OPCML: variants seen among roughly 807,000 people sequenced by gnomAD.
OPCML encodes opioid-binding protein/cell adhesion molecule.
A neutral mutation model predicts 37.8 loss-of-function variants in OPCML; 13 were observed. The observed-to-expected ratio is 0.34, with a 90% CI of 0.22 to 0.55. OPCML has a LOEUF of 0.55. Ranked by LOEUF, OPCML falls within the 20% of genes least tolerant of loss-of-function variation. The probability of loss-of-function intolerance (pLI) is 0.91; values close to 1 mark genes in which losing one functional copy is unlikely to be tolerated. For synonymous variants in OPCML, 176 were observed against 168.8 expected (o/e 1.04, Z -0.33); for missense variants, 341 against 435.6 (o/e 0.78, Z 1.93).
intron 1 of OPCML, among the ~76,000 whole-genome samples, chr11:133,118,866 A>C (rs1949378785): frequency 6.6e-6 from 1 of 152,154 alleles, no homozygotes; most frequent in African/African-American, 2.4e-5. Flanking sequence ...CCACACATGG[A>C]CGTGATCCAG....
At chr11:133,477,796 C>T (rs1324255759) in intron 1 of OPCML, among the ~76,000 whole-genome samples, 1 of 152,130 alleles carries the variant, frequency 6.6e-6, no homozygotes, top group African/African-American at 2.4e-5. Context: ...GAAGAATAAC[C>T]AAACTATGTA....
At chr11:132,637,714 A>G in intron 3 of OPCML, among the ~76,000 whole-genome samples, 1 of 149,930 alleles carries the variant, frequency 6.7e-6, no homozygotes, top group South Asian at 2.1e-4. Context: ...GCATTAATTA[A>G]GTGACTAATA....
At position 133,312,412 on chromosome 11, in the gene OPCML, C is replaced by G. The variant is rs78594091; in HGVS notation, c.61+219852G>C. ...TGCTCCTCTCCTTCGTTTCACCCAG[C>G]CTGTGTGTACTCAGCATCTGTACCT... On this transcript the variant is annotated intron_variant, in intron 1 of 7. Transcript: ENST00000524381. Among the ~76,000 whole-genome samples, 53 of 152,290 alleles carry G rather than the reference C, an allele frequency of 3.5e-4. 3 individuals carry two copies. In the East Asian group the frequency reaches 9.1e-3, roughly 26 times the overall value.
intron 1 of OPCML, among the ~76,000 whole-genome samples, chr11:133,077,123 CAGA>C (rs1456126703): frequency 2.6e-5 from 4 of 152,068 alleles, no homozygotes; most frequent in Admixed American, 2.6e-4. Flanking sequence ...CTAGGGAAAT[CAGA>C]TGAGGTGGAC....
chr11:133,003,306 C>G (rs528064631), intron 1 of OPCML, among the ~76,000 whole-genome samples: 1 of 152,178 alleles, frequency 6.6e-6, no homozygotes, highest in Non-Finnish European at 1.5e-5. Flanking sequence ...TCCTAAGGCT[C>G]CAGGGAAGCC....
At chr11:133,532,130 C>A (rs1948619427) in intron 1 of OPCML, 134 bp downstream of exon 1, 2 of 1,422,572 alleles carry the variant, frequency 1.4e-6, no homozygotes, top group Non-Finnish European at 1.9e-6. Context: ...AAGCCTACCT[C>A]TTTCACTCAC....
chr11:133,089,116 C>T (rs1948864936), intron 1 of OPCML, among the ~76,000 whole-genome samples: 1 of 152,058 alleles, frequency 6.6e-6, no homozygotes, highest in African/African-American at 2.4e-5. Context: ...GGGCAAGTGC[C>T]AAAAAGGAGC....
intron 1 of OPCML, among the ~76,000 whole-genome samples, chr11:133,151,654 C>T (rs748085845): frequency 1.3e-5 from 2 of 152,080 alleles, no homozygotes; most frequent in African/African-American, 2.4e-5. Flanking sequence ...TGCTGGCAGC[C>T]CAAGCCCTGA....
intron 1 of OPCML, among the ~76,000 whole-genome samples, chr11:133,176,606 T>C (rs1937603939): frequency 6.6e-6 from 1 of 152,028 alleles, no homozygotes. Context: ...GACCTGGTTG[T>C]TTAAAGGTGT....
intron 3 of OPCML, among the ~76,000 whole-genome samples, chr11:132,530,002 T>C (rs1471064297): frequency 6.6e-6 from 1 of 152,208 alleles, no homozygotes; most frequent in Non-Finnish European, 1.5e-5. Context: ...GACCTGCCTT[T>C]GTCCCTTTGA....
rs541785939 is a variant in OPCML at position 132,829,879 on chromosome 11, A to G, written c.146+113047T>C. ...TCATTTGGGGTCCACATCTCTCTAT[A>G]CTTGTTATTAACTGTGTATTAATAA... On this transcript the variant is annotated intron_variant, in intron 2 of 7. Coordinates refer to ENST00000524381, the MANE Select transcript of OPCML (RefSeq NM_001012393.5). Among the ~76,000 whole-genome samples, 3 of 152,194 alleles carry G rather than the reference A, an allele frequency of 2.0e-5. No homozygotes were observed. In the East Asian group the frequency reaches 5.8e-4, roughly 29 times the overall value.
intron 2 of OPCML, among the ~76,000 whole-genome samples, chr11:132,771,229 A>T (rs1345934541): frequency 6.6e-6 from 1 of 152,174 alleles, no homozygotes; most frequent in African/African-American, 2.4e-5. Context: ...AGAGAACAAC[A>T]TTTAACCACT....
intron 1 of OPCML, among the ~76,000 whole-genome samples, chr11:133,140,796 A>AGACGAC: frequency 7.0e-6 from 1 of 142,654 alleles, no homozygotes; most frequent in African/African-American, 2.6e-5. Flanking sequence ...ACGAAGAAGA[A>AGACGAC]GAAGAAGAAG....
chr11:132,513,192 CT>C (rs2096272543), intron 4 of OPCML, among the ~76,000 whole-genome samples: 1 of 151,638 alleles, frequency 6.6e-6, no homozygotes, highest in South Asian at 2.1e-4. Context: ...TGTTAGAAAT[CT>C]GAGAAAATTA....
rs139316728 is a variant in OPCML, at chr11:133,189,228, C to T, written c.62-246218G>A. On this transcript the variant is annotated intron_variant, in intron 1 of 7. Transcript: ENST00000524381. ...GCTAAATAAATAAATGAAATCAGAA[C>T]CTGGATAAAGAAATAAAAAATATGA... is the stretch of plus-strand genomic sequence containing the variant. Among the ~76,000 whole-genome samples the T allele has an allele frequency of 2.6e-5, 4 of 152,132 alleles. No homozygotes were observed. The East Asian group carries it at 7.7e-4, about 29-fold the overall frequency.
chr11:132,567,933 G>C (rs939887055), intron 3 of OPCML, among the ~76,000 whole-genome samples: 2 of 152,138 alleles, frequency 1.3e-5, no homozygotes, highest in African/African-American at 2.4e-5. Context: ...CAGAAGCCTG[G>C]GAAAATGGCA....
intron 1 of OPCML, among the ~76,000 whole-genome samples, chr11:133,186,919 C>G (rs1938107053): frequency 6.6e-6 from 1 of 151,956 alleles, no homozygotes; most frequent in Admixed American, 6.6e-5. Flanking sequence ...ATTGAGAAGC[C>G]TGGAACAGGG....
At chr11:133,097,191 A>T (rs1490947113) in intron 1 of OPCML, among the ~76,000 whole-genome samples, 1 of 152,202 alleles carries the variant, frequency 6.6e-6, no homozygotes, top group Admixed American at 6.5e-5. Flanking sequence ...GAAATTGCGC[A>T]ATGTGTGATC....
At chr11:132,890,805 C>T (rs1230512141) in intron 2 of OPCML, among the ~76,000 whole-genome samples, 76 of 142,262 alleles carry the variant, frequency 5.3e-4, no homozygotes, top group African/African-American at 1.9e-3. Flanking sequence ...TGCAGTGAGC[C>T]GAGATCGAGC....
Sources: gnomAD v4.1 joint callset for allele counts (sites outside exome capture counted in the v4.1 genomes callset) on GRCh38, gnomAD v4.1.1 for gene constraint, MANE v1.5 for transcripts, NCBI Gene and HGNC (gene_info 2026-07-23, HGNC 2026-07-21) for gene names.